ADAM12: variants seen among roughly 807,000 people sequenced by gnomAD.
ADAM12 encodes the protein disintegrin and metalloproteinase domain-containing protein 12.
In ADAM12, 70 loss-of-function variants were observed where a neutral mutation model predicts 106.4. That is an observed-to-expected ratio of 0.66 (90% CI 0.54 to 0.80). The LOEUF (loss-of-function observed/expected upper bound fraction) is 0.80, where lower values mean the gene tolerates loss of function less well. ADAM12 is among the 30% of genes least tolerant of loss of function. The pLI, the probability that ADAM12 is intolerant of heterozygous loss-of-function variation, is 0.00. For missense variants in ADAM12, 1,010 were observed against 1,171.9 expected, an observed-to-expected ratio of 0.86 and a Z score of 2.02; for synonymous variants, 420 against 433.5, an observed-to-expected ratio of 0.97 and a Z score of 0.39.
At chr10:126,089,488 C>T (rs1339830123) in intron 11 of ADAM12, among the ~76,000 whole-genome samples, 1 of 152,176 alleles carries the variant, frequency 6.6e-6, no homozygotes, top group Non-Finnish European at 1.5e-5. Context: ...CTTTTTTGTA[C>T]AGACAGAAAA....
intron 3 of ADAM12, among the ~76,000 whole-genome samples, chr10:126,264,652 G>T (rs1205973465): frequency 6.6e-6 from 1 of 152,172 alleles, no homozygotes; most frequent in African/African-American, 2.4e-5. Flanking sequence ...GTCTTCTCTG[G>T]CTTTGGTCTT....
chr10:126,235,392 C>A (rs1348463409), intron 3 of ADAM12, among the ~76,000 whole-genome samples: 2 of 152,210 alleles, frequency 1.3e-5, no homozygotes, highest in East Asian at 3.9e-4. Flanking sequence ...GAGGACACAT[C>A]TGGAGGACGA....
At position 126,038,645 on chromosome 10, in the gene ADAM12, A is replaced by G. The variant is rs555273574; in HGVS notation, c.2241-296T>C. ...CATTTCAGCGATAATGTCTTTGAAT[A>G]TATTTGGATCAAAAGCTACCCCATC... On this transcript the variant is annotated intron_variant, in intron 19 of 22. Coordinates refer to ENST00000448723, the MANE Select transcript of ADAM12 (RefSeq NM_001288973.2). Among the ~76,000 whole-genome samples the G allele has an allele frequency of 2.0e-3, 300 of 152,348 alleles. 1 individual carries two copies. Among genetic ancestry groups the G allele is most frequent in the African/African-American group, 7.0e-3 (293 of 41,586 alleles).
chr10:126,017,242 A>G lies in ADAM12; in HGVS notation c.*37T>C. ...CAACTGGAGCTGAAAGATAGTGCAAACTTCTGTCTTCACTGTTGAAAAAAG... is the reference window on the plus strand; with the variant it reads ...CAACTGGAGCTGAAAGATAGTGCAAGCTTCTGTCTTCACTGTTGAAAAAAG... On this transcript the variant is annotated 3_prime_UTR_variant, in exon 23 of 23. Coordinates refer to ENST00000448723, the MANE Select transcript of ADAM12 (RefSeq NM_001288973.2). 1 of 1,540,798 alleles carries G rather than the reference A, an allele frequency of 6.5e-7. No homozygotes were observed.
At chr10:126,369,169 G>C (rs898560574) in intron 1 of ADAM12, among the ~76,000 whole-genome samples, 15 of 152,018 alleles carry the variant, frequency 9.9e-5, no homozygotes, top group African/African-American at 3.4e-4. Context: ...TTACATGAAA[G>C]GTTGTACAAA....
intron 4 of ADAM12, among the ~76,000 whole-genome samples, chr10:126,146,983 C>T (rs971117599): frequency 6.6e-6 from 1 of 152,150 alleles, no homozygotes; most frequent in Admixed American, 6.5e-5. Context: ...TCCGCCCTGA[C>T]GTGTTTAGTC....
intron 1 of ADAM12, among the ~76,000 whole-genome samples, chr10:126,361,085 C>T (rs1855726184): frequency 6.6e-6 from 1 of 152,072 alleles, no homozygotes; most frequent in South Asian, 2.1e-4. Context: ...AAGATCTGCC[C>T]CCATGATTCA....
rs1959405246 is a variant in ADAM12 at position 126,278,789 on chromosome 10, A to G, written c.260+126T>C. On this transcript the variant is annotated intron_variant, in intron 3 of 22. Transcript: ENST00000448723. ...TAAAGTTAATTCTCACCTCAAATCC[A>G]AATTTGGATTACAAATCCATGCATT... 1.2e-5 allele frequency: 8 copies of G among 649,630 alleles called. No individual in the cohort carries two copies. The South Asian group carries it at 2.3e-4, about 19-fold the overall frequency. 40.2% of individuals were successfully genotyped at this position (649,630 alleles called of 1,614,324 possible).
intron 3 of ADAM12, among the ~76,000 whole-genome samples, chr10:126,198,237 G>A (rs560824521): frequency 1.3e-5 from 2 of 152,304 alleles, no homozygotes; most frequent in East Asian, 1.9e-4. Context: ...CATGCTCTCC[G>A]GCATCAGTAG....
chr10:126,048,572 A>T (rs912476497), intron 16 of ADAM12, among the ~76,000 whole-genome samples: 5 of 152,072 alleles, frequency 3.3e-5, no homozygotes, highest in Admixed American at 2.6e-4. Flanking sequence ...CATGTTGAAA[A>T]TGGAGTCCTA....
In ADAM12 at chr10:126,013,784, CT is replaced by C. The variant is rs1366476672; in HGVS notation, c.*3494del. 1 of 152,370 alleles carries C rather than the reference CT, an allele frequency of 6.6e-6. No homozygotes were observed. Among genetic ancestry groups the C allele is most frequent in the Non-Finnish European group, 1.5e-5 (1 of 68,196 alleles). 9.4% of individuals were successfully genotyped at this position (152,370 alleles called of 1,614,324 possible). A position where few individuals can be genotyped will look rare whatever the true frequency, so the allele number is the denominator to read the frequency against. On this transcript the variant is annotated 3_prime_UTR_variant, in exon 23 of 23. Transcript: ENST00000448723. This position sits in a 1 kb window ranked among gnomAD's most constrained non-coding sequence, Gnocchi z 4.3. ...CCTGCTGCTGAGTCACAGGGAGTAA[CT>C]GCAGCTGCCTAGGGCTGGCTTCTAG...
chr10:126,376,561 A>G (rs981963859), intron 1 of ADAM12, among the ~76,000 whole-genome samples: 2 of 152,264 alleles, frequency 1.3e-5, no homozygotes, highest in African/African-American at 2.4e-5. Context: ...ATCTAGAAAT[A>G]TATCTTACAA....
At chr10:126,334,113 C>T (rs906443635) in intron 1 of ADAM12, among the ~76,000 whole-genome samples, 1 of 152,130 alleles carries the variant, frequency 6.6e-6, no homozygotes. Context: ...TTTTATTTCA[C>T]TGCACGGATA....
chr10:126,193,517 A>C (rs1330959471), intron 3 of ADAM12, among the ~76,000 whole-genome samples: 1 of 152,196 alleles, frequency 6.6e-6, no homozygotes, highest in Non-Finnish European at 1.5e-5. Flanking sequence ...ACTTTAAATA[A>C]AACTAAGCTA....
At chr10:126,327,135 C>T (rs552708773) in intron 2 of ADAM12, among the ~76,000 whole-genome samples, 6 of 152,218 alleles carry the variant, frequency 3.9e-5, no homozygotes, top group Admixed American at 2.0e-4. Flanking sequence ...GTCAGAGCCC[C>T]GGAGCCATGG....
intron 1 of ADAM12, among the ~76,000 whole-genome samples, chr10:126,383,565 G>A (rs540986828): frequency 5.3e-5 from 8 of 151,958 alleles, no homozygotes; most frequent in South Asian, 2.1e-4. Flanking sequence ...ATCATAAAAC[G>A]CAAAAATACT....
At chr10:126,333,189 C>G (rs1038197478) in intron 1 of ADAM12, among the ~76,000 whole-genome samples, 2 of 152,208 alleles carry the variant, frequency 1.3e-5, no homozygotes, top group African/African-American at 4.8e-5. Context: ...ATAAGGTACT[C>G]CTGGCAGCGC....
intron 5 of ADAM12, among the ~76,000 whole-genome samples, chr10:126,124,160 A>G (rs1162612253): frequency 1.3e-5 from 2 of 152,202 alleles, no homozygotes; most frequent in Non-Finnish European, 1.5e-5. Flanking sequence ...GATGATGATT[A>G]GAAAACATGA....
At chr10:126,361,315 G>A (rs1252178391) in intron 1 of ADAM12, among the ~76,000 whole-genome samples, 1 of 152,164 alleles carries the variant, frequency 6.6e-6, no homozygotes, top group Non-Finnish European at 1.5e-5. Context: ...GATAGTCCAT[G>A]TTCATGGATT....
Sources: allele counts gnomAD v4.1 joint callset (sites outside exome capture counted in the v4.1 genomes callset), GRCh38; gene constraint gnomAD v4.1.1; non-coding constraint Gnocchi (gnomAD v3.1); transcripts MANE v1.5; gene names NCBI Gene and HGNC (gene_info 2026-07-23, HGNC 2026-07-21).